MYO16: variants seen among roughly 807,000 people sequenced by gnomAD.
MYO16 encodes unconventional myosin-XVI.
Under a neutral mutation model 205.3 loss-of-function variants are expected in MYO16, and 94 were observed. The observed-to-expected ratio is 0.46, with a 90% CI of 0.39 to 0.54. MYO16 has a LOEUF of 0.54. Among genes scored for constraint, MYO16 ranks in the 20% least tolerant of loss-of-function variants. MYO16 has a pLI of 0.00. For missense variants in MYO16, 2,315 were observed against 2,387.5 expected (o/e 0.97, Z 0.63); for synonymous variants, 988 against 954.0 (o/e 1.04, Z -0.66).
At chr13:108,965,365 G>T (rs1333309005) in intron 20 of MYO16, among the ~76,000 whole-genome samples, 2 of 152,036 alleles carry the variant, frequency 1.3e-5, no homozygotes, top group Non-Finnish European at 2.9e-5. Flanking sequence ...TGGATAGAGG[G>T]TCTCTATGGT....
intron 16 of MYO16, among the ~76,000 whole-genome samples, chr13:108,947,980 A>AAG (rs1883000786): frequency 2.6e-5 from 4 of 152,222 alleles, no homozygotes; most frequent in African/African-American, 9.6e-5. Context: ...TTTGTGACTC[A>AAG]TATATTAATA....
At chr13:108,510,110 T>C in the MYO16 span, among the ~76,000 whole-genome samples, 1 of 152,138 alleles carries the variant, frequency 6.6e-6, no homozygotes, top group Non-Finnish European at 1.5e-5. Context: ...ATTTTTTGTT[T>C]GTTTGTTTTC....
intron 20 of MYO16, among the ~76,000 whole-genome samples, chr13:108,966,982 A>C (rs551815097): frequency 6.6e-6 from 1 of 152,256 alleles, no homozygotes; most frequent in South Asian, 2.1e-4. Flanking sequence ...TTATGGTCAA[A>C]GTTGTAGAGC....
intron 12 of MYO16, among the ~76,000 whole-genome samples, chr13:108,873,644 C>T (rs1475267456): frequency 7.7e-6 from 1 of 129,504 alleles, no homozygotes; most frequent in Non-Finnish European, 1.7e-5. Context: ...CCAACCAGGA[C>T]AGGGTCCATG....
intron 4 of MYO16, among the ~76,000 whole-genome samples, chr13:108,727,960 T>C (rs1884397505): frequency 6.6e-6 from 1 of 152,226 alleles, no homozygotes; most frequent in Non-Finnish European, 1.5e-5. Context: ...TTTTTTTTTC[T>C]TGGTTACATC....
upstream of MYO16, among the ~76,000 whole-genome samples, chr13:108,625,660 C>T (rs1328742274): frequency 6.6e-6 from 1 of 152,130 alleles, no homozygotes; most frequent in Non-Finnish European, 1.5e-5. Context: ...TCATCAAAGG[C>T]TAATATTTAT....
intron 1 of MYO16, among the ~76,000 whole-genome samples, chr13:108,618,107 T>C (rs1415210155): frequency 1.3e-5 from 2 of 152,150 alleles, no homozygotes; most frequent in African/African-American, 4.8e-5. Context: ...CCTGGACTAT[T>C]ATAGGAGCTT....
chr13:109,117,574 AGGATAAATAATCATTTATAG>A (rs1016301483), intron 28 of MYO16, among the ~76,000 whole-genome samples: 1 of 150,942 alleles, frequency 6.6e-6, no homozygotes, highest in Non-Finnish European at 1.5e-5. Context: ...GCACTATAAT[AGGATAAATAATCATTTATAG>A]GGTGCTCTGG....
intron 2 of MYO16, among the ~76,000 whole-genome samples, chr13:108,681,562 C>T (rs1269718074): frequency 6.6e-6 from 1 of 152,096 alleles, no homozygotes; most frequent in Non-Finnish European, 1.5e-5. Flanking sequence ...AGAATAAATA[C>T]CCGTCCCATT....
At chr13:109,094,625 A>G (rs772291495) in intron 27 of MYO16, among the ~76,000 whole-genome samples, 32 of 152,210 alleles carry the variant, frequency 2.1e-4, no homozygotes, top group Admixed American at 6.5e-4. Context: ...TGTTGCACCT[A>G]TCAACCTGTC....
chr13:108,581,002 T>C, the MYO16 span, among the ~76,000 whole-genome samples: 2 of 152,374 alleles, frequency 1.3e-5, no homozygotes, highest in South Asian at 4.1e-4. Context: ...TAATGAAATG[T>C]AAAATTAAGT....
intron 20 of MYO16, among the ~76,000 whole-genome samples, chr13:108,978,003 T>C (rs969145004): frequency 1.2e-4 from 19 of 152,100 alleles, no homozygotes; most frequent in Admixed American, 9.2e-4. Flanking sequence ...TTAAATAATA[T>C]TTGATTTTTT....
intron 23 of MYO16, among the ~76,000 whole-genome samples, chr13:109,026,838 T>A (rs1207131922): frequency 6.6e-6 from 1 of 152,186 alleles, no homozygotes; most frequent in Admixed American, 6.5e-5. Flanking sequence ...TTCCTGAAGC[T>A]TGCATGACAT....
Position 109,019,813 on chromosome 13 carries a change from A to G in MYO16, c.2698A>G (p.Asn900Asp). 2 of 1,614,158 alleles carry G rather than the reference A, an allele frequency of 1.2e-6. No individual in the cohort carries two copies. Among genetic ancestry groups the G allele is most frequent in the Non-Finnish European group, 1.7e-6 (2 of 1,180,004 alleles). ...KKLQSLLESS[N>D]TNAVYSPMKD... ...ACTACAAAGTCTCCTAGAATCCTCA[A>G]ACACAAATGCGGTGTACTCCCCCAT... is the stretch of plus-strand genomic sequence containing the variant. The change falls in exon 23 of 35, where the codon AAC (asparagine) becomes GAC (aspartate). Residue 900 changes from asparagine to aspartate, a missense_variant. Around this residue, in one of 3 missense-constraint regions of MYO16, gnomAD observed 1,213 missense variants for 1,274.4 expected, o/e 0.95. Transcript: ENST00000457511.
At chr13:109,147,353 G>A (rs982976278) in intron 32 of MYO16, among the ~76,000 whole-genome samples, 4 of 152,154 alleles carry the variant, frequency 2.6e-5, no homozygotes, top group African/African-American at 9.7e-5. Flanking sequence ...GCTTTACAAT[G>A]ACTCAAATGC....
At chr13:108,629,323 C>T (rs1458932065), upstream of MYO16, 1 of 152,456 alleles carries the variant, frequency 6.6e-6, no homozygotes, top group African/African-American at 2.4e-5. Flanking sequence ...AAATAATCCG[C>T]TTTACTACCA....
intron 12 of MYO16, among the ~76,000 whole-genome samples, chr13:108,869,482 T>C (rs1229017699): frequency 1.3e-5 from 2 of 151,506 alleles, no homozygotes. Context: ...CCCAGCACTT[T>C]GGGAGGCCGA....
At chr13:108,762,151 C>T (rs1885630056) in intron 4 of MYO16, among the ~76,000 whole-genome samples, 1 of 152,100 alleles carries the variant, frequency 6.6e-6, no homozygotes, top group Non-Finnish European at 1.5e-5. Flanking sequence ...CAGTTCCATC[C>T]GTGTTGCCGC....
At chr13:109,200,929 G>A (rs972314930) in intron 34 of MYO16, among the ~76,000 whole-genome samples, 1 of 152,188 alleles carries the variant, frequency 6.6e-6, no homozygotes, top group South Asian at 2.1e-4. Context: ...TTTGTGCTTG[G>A]TGTAAGCACA....
Sources: gnomAD v4.1 joint callset for allele counts (sites outside exome capture counted in the v4.1 genomes callset) on GRCh38, gnomAD v4.1.1 for gene constraint, gnomAD v4.1.1 regional missense constraint, MANE v1.5 for transcripts, NCBI Gene and HGNC (gene_info 2026-07-23, HGNC 2026-07-21) for gene names.